SLC25A41: variants seen among roughly 807,000 people sequenced by gnomAD.
The protein encoded by SLC25A41 is solute carrier family 25 member 41, also known as mitochondrial carrier protein SCaMC-3L.
A neutral mutation model predicts 34.7 loss-of-function variants in SLC25A41; 35 were observed. The observed-to-expected ratio is 1.01, with a 90% CI of 0.77 to 1.34. The LOEUF is 1.34. Among genes scored for constraint, SLC25A41 ranks in the 40% most tolerant of loss-of-function variants. The pLI, the probability that SLC25A41 is intolerant of heterozygous loss-of-function variation, is 0.00. For synonymous variants in SLC25A41, 190 were observed against 209.9 expected (o/e 0.91, Z 0.82); for missense variants, 492 against 489.8 (o/e 1.00, Z -0.04).
At position 6,426,260 on chromosome 19, in the gene SLC25A41, CCAGCCT is replaced by C. The variant is rs66673060; in HGVS notation, c.*123_*128del. On this transcript the variant is annotated 3_prime_UTR_variant, in exon 7 of 7. Transcript: ENST00000321510. ...CTGACCCAGAGCCCCACCCCCACCC[CCAGCCT>C]GCTTTTGCCACCAAAAACTGCCCCA... 61,908 of 669,732 alleles carry C rather than the reference CCAGCCT, an allele frequency of 0.092. 8,596 individuals are homozygous for C. Among genetic ancestry groups the C allele is most frequent in the Admixed American group, 0.35 (8,447 of 24,302 alleles). The allele number at this position is 669,732 out of a possible 1,614,324, so 41.5% of individuals were successfully genotyped here.
In SLC25A41 at chr19:6,433,565, G is replaced by C. The variant is rs753655896; in HGVS notation, c.129C>G (p.Asn43Lys). The C allele has an allele frequency of 2.5e-5, 40 of 1,609,416 alleles. No homozygotes were observed. The East Asian group carries it at 8.5e-4, about 34-fold the overall frequency. The change falls in exon 1 of 7, where the codon AAC becomes AAG. Residue 43 changes from asparagine to lysine, a missense_variant. Transcript: ENST00000321510. ...ACCCATACACGTGTGTACAGCCAGG[G>C]TTCCAGGATGGGGGTGGAGGCGGAG... ...PQPPPPPPSW[N>K]PGCTHVYGYA...
Position 6,433,723 on chromosome 19 carries a change from C to A in SLC25A41, c.-30G>T. On this transcript the variant is annotated 5_prime_UTR_variant, in exon 1 of 7. Transcript: ENST00000321510. ...GAAGTTAGGACACCTGGCTTCAAAT[C>A]CCTAAGCAGTTGTTTGCTGCTCCAG... The A allele has an allele frequency of 6.7e-7, 1 of 1,497,646 alleles. No homozygotes were observed. The highest frequency in any genetic ancestry group is 2.2e-5 in the Admixed American group (1 of 45,348). The allele number at this position is 1,497,646 out of a possible 1,614,324, so 92.8% of individuals were successfully genotyped here.
upstream of SLC25A41, among the ~76,000 whole-genome samples, chr19:6,434,994 A>G (rs535269469): frequency 6.6e-6 from 1 of 152,106 alleles, no homozygotes; most frequent in East Asian, 1.9e-4. Context: ...AGGTCAAGGC[A>G]GGTGGATCAC....
chr19:6,429,059 GTTATATATATATATAATAT>G, intron 4 of SLC25A41, among the ~76,000 whole-genome samples: 1 of 24,220 alleles, frequency 4.1e-5, no homozygotes, highest in African/African-American at 2.3e-4. Context: ...TTATATATAT[GTTATATATATATATAATAT>G]ATATATTATA....
Position 6,429,174 on chromosome 19 carries a change from TA to T in SLC25A41, c.624+549del, listed in dbSNP as rs2092267937. Among the ~76,000 whole-genome samples the T allele has an allele frequency of 7.9e-5, 5 of 63,012 alleles. 1 individual carries two copies. Among genetic ancestry groups the T allele is most frequent in the East Asian group, 9.2e-4 (2 of 2,184 alleles). 41.3% of individuals were successfully genotyped at this position (63,012 alleles called of 152,430 possible). A position where few individuals can be genotyped will look rare whatever the true frequency, so the allele number is the denominator to read the frequency against. On this transcript the variant is annotated intron_variant, in intron 4 of 6. Transcript: ENST00000321510. Reference sequence around the variant, plus strand: ...ATATATTATATATATAATATATATATAATATATATATGTTATATATATAATA... The same window carrying T: ...ATATATTATATATATAATATATATATATATATATATGTTATATATATAATA...
rs558073513 is a variant in SLC25A41 at position 6,429,771 on chromosome 19, C to T, written c.577G>A (p.Gly193Ser). Residue 193 changes from glycine to serine, a missense_variant, in exon 4 of 7, where the codon GGC (glycine) becomes AGC (serine). Gly to Ser is a moderately conservative substitution (Grantham distance 56). Coordinates refer to ENST00000321510, the MANE Select transcript of SLC25A41 (RefSeq NM_173637.4). ...TGGGAGATGGCCACAGCCAGGGAGC[C>T]AGCAAGGAGACGCTCCTGGAAGGGC... is the stretch of plus-strand genomic sequence containing the variant. ...SPPFQERLLA[G>S]SLAVAISQTL... 1 of 1,609,846 alleles carries T rather than the reference C, an allele frequency of 6.2e-7. No individual in the cohort carries two copies. The highest frequency in any genetic ancestry group is 2.2e-5 in the East Asian group (1 of 44,802).
chr19:6,426,162 A>C lies in SLC25A41; in HGVS notation c.*227T>G. The C allele has an allele frequency of 1.9e-6, 1 of 518,878 alleles. No individual in the cohort carries two copies. Among genetic ancestry groups the C allele is most frequent in the South Asian group, 2.9e-5 (1 of 34,118 alleles). 32.1% of individuals were successfully genotyped at this position (518,878 alleles called of 1,614,324 possible). A position where few individuals can be genotyped will look rare whatever the true frequency, so the allele number is the denominator to read the frequency against. ...TCTTGTCTCAGGCTGCACCCTGGGG[A>C]GGGAGTCCCAGGAGTTTTCTGACCC... is the stretch of plus-strand genomic sequence containing the variant. On this transcript the variant is annotated 3_prime_UTR_variant, in exon 7 of 7. Coordinates refer to ENST00000321510, the MANE Select transcript of SLC25A41 (RefSeq NM_173637.4).
rs779522632 is a variant in SLC25A41 at position 6,433,587 on chromosome 19, G to A, written c.107C>T (p.Pro36Leu). ...LIKAPPPPQP[P>L]PPPPSWNPGC... ...AGGGTTCCAGGATGGGGGTGGAGGC[G>A]GAGGTTGGGGGGGAGGCGGGGCTTT... Residue 36 changes from proline (P) to leucine (L), a missense_variant, in exon 1 of 7, where the codon CCG becomes CTG. Physicochemically the swap from Pro to Leu is moderately conservative, Grantham distance 98. Coordinates refer to ENST00000321510, the MANE Select transcript of SLC25A41 (RefSeq NM_173637.4). 9.9e-6 allele frequency: 16 copies of A among 1,611,976 alleles called. No homozygotes were observed. The highest frequency in any genetic ancestry group is 3.3e-5 in the Admixed American group (2 of 59,872).
chr19:6,432,295 C>G, intron 1 of SLC25A41, 91 bp from the exon 2 acceptor site: 1 of 1,379,520 alleles, frequency 7.2e-7, no homozygotes, highest in South Asian at 1.4e-5. Flanking sequence ...GGTGAAAGAC[C>G]CACCCTGTTC....
At chr19:6,428,422 G>GA (rs1208695060) in intron 4 of SLC25A41, among the ~76,000 whole-genome samples, 1 of 145,084 alleles carries the variant, frequency 6.9e-6, no homozygotes, top group Non-Finnish European at 1.5e-5. Flanking sequence ...AAAAGAAAAA[G>GA]AAAGAAAAAA....
chr19:6,428,372 C>T (rs1196606819), intron 4 of SLC25A41, among the ~76,000 whole-genome samples: 1 of 147,664 alleles, frequency 6.8e-6, no homozygotes, highest in Non-Finnish European at 1.5e-5. Flanking sequence ...TGCCACTGCA[C>T]TCCAGCCTGG....
At chr19:6,430,491 TC>T in intron 2 of SLC25A41, 3 of 457,684 alleles carry the variant, frequency 6.6e-6, no homozygotes, top group Non-Finnish European at 8.1e-6. Context: ...CTCCCTTCCT[TC>T]TTTTTTTTTT....
At chr19:6,431,444 T>C in intron 2 of SLC25A41, among the ~76,000 whole-genome samples, 1 of 151,394 alleles carries the variant, frequency 6.6e-6, no homozygotes, top group Non-Finnish European at 1.5e-5. Context: ...CTTTTTTTTT[T>C]TTCTTTCTTT....
rs1043018999 is a variant in SLC25A41 at position 6,430,256 on chromosome 19, C to T, written c.364-95G>A. 5.1e-6 allele frequency: 7 copies of T among 1,375,022 alleles called. No homozygotes were observed. The East Asian group carries it at 1.8e-4, about 35-fold the overall frequency. 85.2% of individuals were successfully genotyped at this position (1,375,022 alleles called of 1,614,324 possible). The stretch of plus-strand genomic sequence containing the variant: ...GCAGCCCCACCGGGACCTCCCAAGC[C>T]ACCCAACCCCAACCCATCCCCATCC... On this transcript the variant is annotated intron_variant, in intron 2 of 6. Coordinates refer to ENST00000321510, the MANE Select transcript of SLC25A41 (RefSeq NM_173637.4).
upstream of SLC25A41, among the ~76,000 whole-genome samples, chr19:6,434,233 G>A (rs998399289): frequency 5.3e-5 from 8 of 152,226 alleles, no homozygotes; most frequent in African/African-American, 1.9e-4. Context: ...GTGAGCCACT[G>A]CTTCCGGCCG....
intron 2 of SLC25A41, among the ~76,000 whole-genome samples, chr19:6,431,251 C>G (rs1033012871): frequency 6.6e-6 from 1 of 151,574 alleles, no homozygotes; most frequent in Non-Finnish European, 1.5e-5. Context: ...TGAGCCACTG[C>G]ACCCGTTTAT....
rs1012174697 is a variant in SLC25A41 at position 6,427,193 on chromosome 19, C to T, written c.850G>A (p.Val284Ile). The change falls in exon 6 of 7, where the codon GTC (valine) becomes ATC (isoleucine). Residue 284 changes from valine (V) to isoleucine (I), a missense_variant. Transcript: ENST00000321510. This position sits in a 1 kb window ranked among gnomAD's most constrained non-coding sequence, Gnocchi z 4.9. ...GRDMGDPSGL[V>I]SLSSVTLSTT... The stretch of plus-strand genomic sequence containing the variant: ...GATAGCGTCACAGACGACAGACTGA[C>T]CAGGCCACTGGGGTCCCCCATATCC... 2.5e-6 allele frequency: 4 copies of T among 1,612,428 alleles called. No individual in the cohort carries two copies. The highest frequency in any genetic ancestry group is 2.2e-5 in the East Asian group (1 of 44,876).
intron 6 of SLC25A41, 85 bp from the exon 7 acceptor site, chr19:6,426,646 G>A: frequency 1.3e-6 from 2 of 1,503,982 alleles, no homozygotes; most frequent in Non-Finnish European, 1.8e-6. Flanking sequence ...AGGTGCTGAA[G>A]CCACGGGTAG....
At chr19:6,434,068 C>T (rs541670626), upstream of SLC25A41, among the ~76,000 whole-genome samples, 5 of 152,248 alleles carry the variant, frequency 3.3e-5, no homozygotes, top group African/African-American at 1.2e-4. Flanking sequence ...CTCAGCCTCC[C>T]GAGTAGCTGG....
Sources: gnomAD v4.1 joint callset for allele counts (sites outside exome capture counted in the v4.1 genomes callset) on GRCh38, gnomAD v4.1.1 for gene constraint, Gnocchi (gnomAD v3.1) non-coding constraint, MANE v1.5 for transcripts, NCBI Gene and HGNC (gene_info 2026-07-23, HGNC 2026-07-21) for gene names.